The following GOLPH3L variants were observed in gnomAD, a reference collection of about 807,000 sequenced individuals.
GOLPH3L encodes the protein Golgi phosphoprotein 3-like.
Under a neutral mutation model 30.3 loss-of-function variants are expected in GOLPH3L, and 22 were observed. That is an observed-to-expected ratio of 0.73 (90% confidence interval 0.52 to 1.04). The LOEUF is 1.04. Among genes scored for constraint, GOLPH3L ranks in the 50% least tolerant of loss-of-function variants. The pLI is 0.00. For synonymous variants in GOLPH3L, 120 were observed against 128.2 expected (o/e 0.94, Z 0.43); for missense variants, 303 against 345.8 (o/e 0.88, Z 0.98).
rs763383137 is a variant in GOLPH3L at position 150,658,110 on chromosome 1, G to A, written c.430+3704C>T. On this transcript the variant is annotated intron_variant, in intron 4 of 4. Transcript: ENST00000271732. Reference sequence around the variant, plus strand: ...GAAACCTTATCATGAGCCAGATGCCGAGGAAGAGATTCCGGGAGGATCCCG... The same window carrying A: ...GAAACCTTATCATGAGCCAGATGCCAAGGAAGAGATTCCGGGAGGATCCCG... Among the ~76,000 whole-genome samples, 18 of 152,334 alleles carry A rather than the reference G, an allele frequency of 1.2e-4. No homozygotes were observed. In the South Asian group the frequency reaches 2.3e-3, roughly 19 times the overall value.
intron 2 of GOLPH3L, among the ~76,000 whole-genome samples, chr1:150,670,936 T>A (rs1650629591): frequency 6.6e-6 from 1 of 152,036 alleles, no homozygotes; most frequent in Admixed American, 6.6e-5. Context: ...CTTACAGTAT[T>A]TTGTTATTAT....
chr1:150,651,642 C>CAAAAAA (rs59940841), intron 4 of GOLPH3L, among the ~76,000 whole-genome samples: 69 of 60,820 alleles, frequency 1.1e-3, no homozygotes, highest in Middle Eastern at 0.015. Context: ...GAGCGAAACT[C>CAAAAAA]AAAAAAAAAA....
intron 2 of GOLPH3L, among the ~76,000 whole-genome samples, chr1:150,679,054 G>A (rs1650885784): frequency 1.3e-5 from 2 of 152,056 alleles, no homozygotes; most frequent in South Asian, 4.1e-4. Context: ...TTTATCAAGA[G>A]CATTTTTTCC....
intron 2 of GOLPH3L, among the ~76,000 whole-genome samples, chr1:150,676,612 T>C (rs2101805175): frequency 6.6e-6 from 1 of 151,998 alleles, no homozygotes; most frequent in Non-Finnish European, 1.5e-5. Context: ...CCATACTTAG[T>C]CTTCTGTATT....
chr1:150,663,790 AG>A, intron 2 of GOLPH3L, 27 bp from the exon 3 acceptor site: 1 of 1,607,400 alleles, frequency 6.2e-7, no homozygotes, highest in African/African-American at 1.3e-5. Context: ...GAGAAGAGAA[AG>A]AATGTTTTGA....
intron 2 of GOLPH3L, among the ~76,000 whole-genome samples, chr1:150,693,104 C>T (rs894687145): frequency 8.5e-5 from 13 of 152,220 alleles, no homozygotes; most frequent in Non-Finnish European, 1.9e-4. Flanking sequence ...AATATATTTC[C>T]GGGCAAGAAT....
chr1:150,669,414 C>T (rs1348740056), intron 2 of GOLPH3L, among the ~76,000 whole-genome samples: 1 of 152,124 alleles, frequency 6.6e-6, no homozygotes, highest in Non-Finnish European at 1.5e-5. Flanking sequence ...GTGTATCTAT[C>T]TAACTTAGTG....
At chr1:150,665,368 C>T (rs750784359) in intron 2 of GOLPH3L, among the ~76,000 whole-genome samples, 29 of 151,632 alleles carry the variant, frequency 1.9e-4, no homozygotes, top group Non-Finnish European at 1.5e-5. Flanking sequence ...GCTCCATTAT[C>T]CAGGCTGAAA....
rs368707843 is a variant in GOLPH3L, at chr1:150,681,876, G to C, written c.183+12780C>G. 2.8e-4 allele frequency among the ~76,000 whole-genome samples: 42 copies of C among 152,132 alleles called. No homozygotes were observed. The East Asian group carries it at 7.9e-3, about 29-fold the overall frequency. On this transcript the variant is annotated intron_variant, in intron 2 of 4. Transcript: ENST00000271732. ...GAGGCCATGAATTCAAGACCAGCCT[G>C]GCCAACGTGGCAAAGCCCTGTCTCT... is the stretch of plus-strand genomic sequence containing the variant.
At chr1:150,674,509 T>A (rs1650725676) in intron 2 of GOLPH3L, among the ~76,000 whole-genome samples, 1 of 152,060 alleles carries the variant, frequency 6.6e-6, no homozygotes, top group Admixed American at 6.6e-5. Context: ...GTGATCTACC[T>A]GCCTTGGCCT....
chr1:150,647,495 GAAAAA>G lies in GOLPH3L; in HGVS notation c.*821_*825del. On this transcript the variant is annotated 3_prime_UTR_variant, in exon 5 of 5. Transcript: ENST00000271732. Reference sequence around the variant, plus strand: ...GCAAGAGCAAGACCCTGTCTCAAAAGAAAAAAAAAAAAAAAGTGGCCTGGGGGAAA... The same window carrying G: ...GCAAGAGCAAGACCCTGTCTCAAAAGAAAAAAAAAAGTGGCCTGGGGGAAA... 9.9e-6 allele frequency: 1 copy of G among 101,264 alleles called. No homozygotes were observed. 6.3% of individuals were successfully genotyped at this position (101,264 alleles called of 1,614,324 possible). A position where few individuals can be genotyped will look rare whatever the true frequency, so the allele number is the denominator to read the frequency against.
At chr1:150,657,041 G>T (rs1650254771) in intron 4 of GOLPH3L, among the ~76,000 whole-genome samples, 1 of 152,116 alleles carries the variant, frequency 6.6e-6, no homozygotes, top group Admixed American at 6.5e-5. Context: ...CTGTAACTGA[G>T]GTACTGACTG....
At chr1:150,694,237 T>C in intron 2 of GOLPH3L, 1 of 378,506 alleles carries the variant, frequency 2.6e-6, no homozygotes, top group Non-Finnish European at 5.4e-6. Context: ...ACCAATTGTT[T>C]ATTTCTGTAA....
At chr1:150,676,386 C>A (rs1226557619) in intron 2 of GOLPH3L, among the ~76,000 whole-genome samples, 7 of 151,992 alleles carry the variant, frequency 4.6e-5, no homozygotes, top group Admixed American at 1.3e-4. Context: ...CCACCCAAAC[C>A]CAGATTATTT....
At chr1:150,690,249 G>A (rs1355917873) in intron 2 of GOLPH3L, among the ~76,000 whole-genome samples, 2 of 152,024 alleles carry the variant, frequency 1.3e-5, no homozygotes, top group Non-Finnish European at 2.9e-5. Flanking sequence ...CCAAAGTGCT[G>A]GGATTACAGA....
intron 2 of GOLPH3L, among the ~76,000 whole-genome samples, chr1:150,684,094 G>A (rs1055343304): frequency 2.0e-5 from 3 of 152,144 alleles, no homozygotes; most frequent in Admixed American, 6.6e-5. Context: ...ACCTAGAGAC[G>A]CCAGGAAGGC....
chr1:150,662,927 G>T (rs1650402901), intron 3 of GOLPH3L, among the ~76,000 whole-genome samples: 1 of 152,130 alleles, frequency 6.6e-6, no homozygotes, highest in African/African-American at 2.4e-5. Flanking sequence ...TGGTTGGAAA[G>T]GACTTGCAGT....
Position 150,676,599 on chromosome 1 carries a change from AG to A in GOLPH3L, c.184-12837del, listed in dbSNP as rs763711854. Among the ~76,000 whole-genome samples the A allele has an allele frequency of 9.8e-4, 148 of 151,562 alleles. 5 individuals are homozygous for A. The highest frequency in any genetic ancestry group is 2.0e-4 in the Admixed American group (3 of 15,168). ...TTGCTTTGTTTGAATCTGGAGCCAA[AG>A]TCCATACTTAGTCTTCTGTATTTCA... On this transcript the variant is annotated intron_variant, in intron 2 of 4. Transcript: ENST00000271732.
intron 2 of GOLPH3L, among the ~76,000 whole-genome samples, chr1:150,693,834 T>A (rs1392995550): frequency 9.8e-6 from 1 of 102,460 alleles, no homozygotes; most frequent in Non-Finnish European, 2.0e-5. Flanking sequence ...TATATATATA[T>A]ATATATATAT....
Sources: allele counts gnomAD v4.1 joint callset (sites outside exome capture counted in the v4.1 genomes callset), GRCh38; gene constraint gnomAD v4.1.1; transcripts MANE v1.5; gene names NCBI Gene and HGNC (gene_info 2026-07-23, HGNC 2026-07-21).